EIF4G3: variants seen among roughly 807,000 people sequenced by gnomAD.
EIF4G3 encodes the protein eIF-4-gamma 3.
In EIF4G3, 34 loss-of-function variants were observed where a neutral mutation model predicts 186.4. The observed-to-expected ratio is 0.18, with a 90% CI of 0.14 to 0.24. EIF4G3 has a LOEUF of 0.24. EIF4G3 is among the 10% of genes least tolerant of loss of function. The pLI is 1.00. For synonymous variants in EIF4G3, 673 were observed against 679.5 expected (o/e 0.99, Z 0.15); for missense variants, 1,536 against 1,948.5 (o/e 0.79, Z 3.99).
In EIF4G3 at chr1:20,942,259, T is replaced by C; in HGVS notation, c.895A>G (p.Lys299Glu). ...GATGTCTGGCCTTCTTGTTCTTTCTTCTCTCCACTGAGGACTAGCCTAAGG... is the reference window on the plus strand; with the variant it reads ...GATGTCTGGCCTTCTTGTTCTTTCTCCTCTCCACTGAGGACTAGCCTAAGG... Reference protein sequence around the residue: ...PVLRLVLSGEKKEQEGQTSET... With the variant: ...PVLRLVLSGEEKEQEGQTSET... The change falls in exon 14 of 37, where the codon AAG becomes GAG. Residue 299 changes from lysine (K) to glutamate (E), a missense_variant. Physicochemically the swap from Lys to Glu is moderately conservative, Grantham distance 56. Transcript: ENST00000602326. 1 of 1,613,896 alleles carries C rather than the reference T, an allele frequency of 6.2e-7. No individual in the cohort carries two copies. Among genetic ancestry groups the C allele is most frequent in the South Asian group, 1.1e-5 (1 of 91,038 alleles).
chr1:20,811,339 T>C (rs905333186), intron 35 of EIF4G3, among the ~76,000 whole-genome samples: 3 of 151,956 alleles, frequency 2.0e-5, no homozygotes, highest in Non-Finnish European at 2.9e-5. Context: ...TCTTGAACTC[T>C]TGGGCTCAAG....
chr1:21,008,778 A>G (rs2086079653), intron 4 of EIF4G3, among the ~76,000 whole-genome samples: 3 of 152,280 alleles, frequency 2.0e-5, no homozygotes, highest in African/African-American at 7.2e-5. Context: ...AATGAGTAAT[A>G]CAGAGAATGC....
intron 2 of EIF4G3, among the ~76,000 whole-genome samples, chr1:21,117,071 A>T (rs2096837810): frequency 6.6e-6 from 1 of 152,154 alleles, no homozygotes; most frequent in South Asian, 2.1e-4. Flanking sequence ...CTATTAAATA[A>T]TAACTTTTTT....
intron 2 of EIF4G3, among the ~76,000 whole-genome samples, chr1:21,141,461 T>C: frequency 6.7e-6 from 1 of 149,792 alleles, no homozygotes; most frequent in Non-Finnish European, 1.5e-5. Flanking sequence ...AGAACTTTTG[T>C]ATTTTTTTCC....
rs994896306 is a variant in EIF4G3, at chr1:20,812,630, T to C, written c.4597+528A>G. On this transcript the variant is annotated intron_variant, in intron 35 of 36. Transcript: ENST00000602326. ...AAACATTGTATACAGCTTGGAATATTTGGGATTTCTACTGACCCTAATCCT... is the reference window on the plus strand; with the variant it reads ...AAACATTGTATACAGCTTGGAATATCTGGGATTTCTACTGACCCTAATCCT... Among the ~76,000 whole-genome samples, 5 of 152,180 alleles carry C rather than the reference T, an allele frequency of 3.3e-5. No individual in the cohort carries two copies. In the South Asian group the frequency reaches 8.3e-4, roughly 25 times the overall value.
At chr1:20,856,755 A>C (rs2075032166) in intron 25 of EIF4G3, among the ~76,000 whole-genome samples, 1 of 152,182 alleles carries the variant, frequency 6.6e-6, no homozygotes, top group African/African-American at 2.4e-5. Flanking sequence ...ACATTGTGTA[A>C]AAGCCTGCAA....
At chr1:20,979,380 T>C (rs2077500256) in intron 10 of EIF4G3, among the ~76,000 whole-genome samples, 1 of 152,200 alleles carries the variant, frequency 6.6e-6, no homozygotes, top group Non-Finnish European at 1.5e-5. Context: ...TTATATTTAG[T>C]TATGGCATGT....
chr1:20,910,646 A>G (rs184057667), intron 14 of EIF4G3, among the ~76,000 whole-genome samples: 4 of 152,216 alleles, frequency 2.6e-5, no homozygotes, highest in Admixed American at 6.5e-5. Flanking sequence ...GAAAATCCAC[A>G]TAAGGATAAA....
At chr1:21,171,742 C>G (rs961733767) in intron 2 of EIF4G3, among the ~76,000 whole-genome samples, 2 of 152,132 alleles carry the variant, frequency 1.3e-5, no homozygotes, top group Non-Finnish European at 2.9e-5. Flanking sequence ...TGAGTCTAGA[C>G]CCTACATTTC....
intron 14 of EIF4G3, among the ~76,000 whole-genome samples, chr1:20,919,608 C>T (rs2094299984): frequency 6.6e-6 from 1 of 152,058 alleles, no homozygotes. Flanking sequence ...AGAAAATATC[C>T]ATTTTAACTA....
At chr1:21,019,286 A>G (rs2090070040) in intron 4 of EIF4G3, among the ~76,000 whole-genome samples, 1 of 152,232 alleles carries the variant, frequency 6.6e-6, no homozygotes, top group Non-Finnish European at 1.5e-5. Flanking sequence ...AATTTCACTA[A>G]TTGGTTGTCA....
At chr1:21,155,613 T>C (rs1171733862) in intron 2 of EIF4G3, among the ~76,000 whole-genome samples, 1 of 151,928 alleles carries the variant, frequency 6.6e-6, no homozygotes, top group East Asian at 1.9e-4. Flanking sequence ...GGAGAATTGC[T>C]TGAGCCCAGG....
intron 21 of EIF4G3, among the ~76,000 whole-genome samples, 177 bp downstream of exon 21, chr1:20,864,939 T>C (rs777562417): frequency 1.1e-4 from 16 of 152,078 alleles, no homozygotes; most frequent in South Asian, 4.2e-4. Flanking sequence ...TCCCCTATAT[T>C]AGGCACTAAA....
At chr1:20,887,471 C>T (rs1363172635) in intron 18 of EIF4G3, among the ~76,000 whole-genome samples, 1 of 152,114 alleles carries the variant, frequency 6.6e-6, no homozygotes, top group Non-Finnish European at 1.5e-5. Context: ...CACCTTTACA[C>T]ATCAATCATT....
intron 3 of EIF4G3, among the ~76,000 whole-genome samples, chr1:21,085,322 C>G (rs1312923241): frequency 6.6e-6 from 1 of 152,082 alleles, no homozygotes; most frequent in Non-Finnish European, 1.5e-5. Flanking sequence ...TGATGCTGTT[C>G]TTTTGCATAG....
intron 12 of EIF4G3, among the ~76,000 whole-genome samples, chr1:20,963,760 C>A (rs2073983513): frequency 6.6e-6 from 1 of 151,906 alleles, no homozygotes; most frequent in East Asian, 1.9e-4. Flanking sequence ...TCGAGACCAG[C>A]CTGGGTCAAC....
At chr1:21,039,635 A>G (rs1230674585) in intron 4 of EIF4G3, among the ~76,000 whole-genome samples, 1 of 152,212 alleles carries the variant, frequency 6.6e-6, no homozygotes, top group African/African-American at 2.4e-5. Context: ...TGAACTCCAG[A>G]CTGGTGTACA....
chr1:20,900,835 T>G (rs1267871985), intron 15 of EIF4G3, among the ~76,000 whole-genome samples: 2 of 152,162 alleles, frequency 1.3e-5, no homozygotes, highest in African/African-American at 4.8e-5. Flanking sequence ...CAGCAGAGGA[T>G]AGTGTAAAGT....
intron 30 of EIF4G3, among the ~76,000 whole-genome samples, chr1:20,838,618 A>C (rs928126162): frequency 6.6e-6 from 1 of 152,200 alleles, no homozygotes; most frequent in African/African-American, 2.4e-5. Context: ...AACTTTTGCC[A>C]AAGTGTCTTA....
Sources: allele counts gnomAD v4.1 joint callset (sites outside exome capture counted in the v4.1 genomes callset), GRCh38; gene constraint gnomAD v4.1.1; transcripts MANE v1.5; gene names NCBI Gene and HGNC (gene_info 2026-07-23, HGNC 2026-07-21).